KDM4B: variants seen among roughly 807,000 people sequenced by gnomAD.
KDM4B encodes the protein lysine demethylase 4B, also known as lysine-specific demethylase 4B.
In KDM4B, 32 loss-of-function variants were observed where a neutral mutation model predicts 125.2. The ratio of observed to expected loss-of-function variants is 0.26; its 90% CI spans 0.19 to 0.34. The LOEUF (loss-of-function observed/expected upper bound fraction) is 0.34, where lower values mean the gene tolerates loss of function less well. Among genes scored for constraint, KDM4B ranks in the 10% least tolerant of loss-of-function variants. The pLI is 1.00. For synonymous variants in KDM4B, 721 were observed against 677.9 expected (o/e 1.06, Z -0.99); for missense variants, 1,190 against 1,577.7 (o/e 0.75, Z 4.16).
At position 5,082,455 on chromosome 19, in the gene KDM4B, C is replaced by T. The variant is rs1568283916; in HGVS notation, c.869C>T (p.Thr290Ile). ...FNHGFNCAES[T>I]NFATLRWIDY... ...CACGGGTTCAACTGCGCAGAATCTA[C>T]CAACTTCGCCACCCTGCGGTGGATT... The change falls in exon 9 of 23, where the codon ACC becomes ATC. Residue 290 changes from threonine to isoleucine, a missense_variant. By Grantham distance (89) the Thr-to-Ile change is moderately conservative. This residue lies in a region of KDM4B where 75 missense variants were observed against 218.2 expected (regional missense o/e 0.34). Transcript: ENST00000159111. This position sits in a 1 kb window ranked among gnomAD's most constrained non-coding sequence, Gnocchi z 5.4. The T allele has an allele frequency of 6.2e-7, 1 of 1,612,970 alleles. No homozygotes were observed. Among genetic ancestry groups the T allele is most frequent in the Non-Finnish European group, 8.5e-7 (1 of 1,179,556 alleles).
At position 4,971,511 on chromosome 19, in the gene KDM4B, C is replaced by T. The variant is rs548560273; in HGVS notation, c.-109+2281C>T. Among the ~76,000 whole-genome samples the T allele has an allele frequency of 2.6e-5, 4 of 152,316 alleles. 1 individual carries two copies. The South Asian group carries it at 8.3e-4, about 32-fold the overall frequency. On this transcript the variant is annotated intron_variant, in intron 1 of 22. Coordinates refer to ENST00000159111, the MANE Select transcript of KDM4B (RefSeq NM_015015.3). This position sits in a 1 kb window ranked among gnomAD's most constrained non-coding sequence, Gnocchi z 4.1. ...CCTCAGCTCTGGGGAAGCCATCTGT[C>T]CTCGGTTCCATCTGACACCTGTGGG...
chr19:4,988,515 T>C (rs1030853331), intron 1 of KDM4B, among the ~76,000 whole-genome samples: 17 of 152,156 alleles, frequency 1.1e-4, no homozygotes, highest in African/African-American at 3.6e-4. Context: ...GACCTCGTGA[T>C]CCACCCGCCT....
intron 11 of KDM4B, among the ~76,000 whole-genome samples, chr19:5,129,331 G>C (rs1474172616): frequency 6.6e-6 from 1 of 152,042 alleles, no homozygotes; most frequent in African/African-American, 2.4e-5. Flanking sequence ...ACTGGGGTCA[G>C]TGTGGGTCAA....
intron 11 of KDM4B, among the ~76,000 whole-genome samples, chr19:5,128,269 T>A (rs1246181275): frequency 1.3e-5 from 2 of 152,192 alleles, no homozygotes; most frequent in Non-Finnish European, 2.9e-5. Context: ...ATTCCTCATG[T>A]GTGCACTGAG....
chr19:5,098,775 C>T (rs1358105026), intron 9 of KDM4B, among the ~76,000 whole-genome samples: 1 of 152,122 alleles, frequency 6.6e-6, no homozygotes, highest in Non-Finnish European at 1.5e-5. Flanking sequence ...CATGGGAGGA[C>T]TCAGTGAGAA....
intron 6 of KDM4B, among the ~76,000 whole-genome samples, chr19:5,048,168 G>A (rs923435877): frequency 6.6e-6 from 1 of 152,234 alleles, no homozygotes; most frequent in African/African-American, 2.4e-5. Flanking sequence ...CCTGTGTGCA[G>A]TGTGGTGGAC....
In KDM4B at chr19:5,081,442, G is replaced by GC. The variant is rs554527749; in HGVS notation, c.781-919dup. ...AGGGTTCCTAGGGCACAAGGCTGTA[G>GC]CCCCCCAGCCCTGGTAGGCAGCCCT... is the stretch of plus-strand genomic sequence containing the variant. On this transcript the variant is annotated intron_variant, in intron 8 of 22. Coordinates refer to ENST00000159111, the MANE Select transcript of KDM4B (RefSeq NM_015015.3). The surrounding 1 kb of genome is among the most constrained non-coding windows in gnomAD (Gnocchi z 4.2). Among the ~76,000 whole-genome samples the GC allele has an allele frequency of 9.6e-4, 146 of 152,280 alleles. 1 individual carries two copies. Among genetic ancestry groups the GC allele is most frequent in the African/African-American group, 3.0e-3 (126 of 41,564 alleles).
chr19:5,089,190 C>T (rs1599595295), intron 9 of KDM4B, among the ~76,000 whole-genome samples: 1 of 152,214 alleles, frequency 6.6e-6, no homozygotes, highest in Non-Finnish European at 1.5e-5. Flanking sequence ...ACGAATCTCA[C>T]TGAAACTGTC....
Position 5,035,895 on chromosome 19 carries a change from G to GCGCA in KDM4B, c.141+2865_141+2866insGCAC, listed in dbSNP as rs1308153451. On this transcript the variant is annotated intron_variant, in intron 3 of 22. Transcript: ENST00000159111. This position sits in a 1 kb window ranked among gnomAD's most constrained non-coding sequence, Gnocchi z 5.3. ...TGTGTGTGTGTGCGCGCGCGCGCGC[G>GCGCA]CCTGCGCGCACAGGAGACTGAGGTG... is the stretch of plus-strand genomic sequence containing the variant. 3.1e-4 allele frequency among the ~76,000 whole-genome samples: 39 copies of GCGCA among 125,054 alleles called. No homozygotes were observed. Among genetic ancestry groups the GCGCA allele is most frequent in the Non-Finnish European group, 6.0e-4 (33 of 54,876 alleles). 82.0% of individuals were successfully genotyped at this position (125,054 alleles called of 152,430 possible).
Position 5,038,533 on chromosome 19 carries a change from G to A in KDM4B, c.142-1303G>A, listed in dbSNP as rs866776800. 2.0e-5 allele frequency among the ~76,000 whole-genome samples: 3 copies of A among 152,348 alleles called. No homozygotes were observed. The Middle Eastern group carries it at 0.01, about 518-fold the overall frequency. ...GGCACCGGGTTCCGGCTGCAGTGCC[G>A]CCTCTGACAGGTGCTGGTCCTTGTC... On this transcript the variant is annotated intron_variant, in intron 3 of 22. Transcript: ENST00000159111.
intron 1 of KDM4B, among the ~76,000 whole-genome samples, chr19:4,980,000 G>A (rs2034580030): frequency 6.6e-6 from 1 of 152,114 alleles, no homozygotes; most frequent in African/African-American, 2.4e-5. Context: ...AGCTACTTGG[G>A]AGGCTGGGGC....
intron 1 of KDM4B, among the ~76,000 whole-genome samples, chr19:4,986,410 C>T (rs1260478434): frequency 6.6e-6 from 1 of 152,196 alleles, no homozygotes; most frequent in Non-Finnish European, 1.5e-5. Flanking sequence ...ACTCTTGGTC[C>T]TGGCTGCCAA....
chr19:5,085,779 G>T (rs1046812535), intron 9 of KDM4B, among the ~76,000 whole-genome samples: 10 of 152,220 alleles, frequency 6.6e-5, no homozygotes, highest in Non-Finnish European at 1.5e-4. Context: ...GGCCTCTGTG[G>T]CCGTCGGGGG....
intron 9 of KDM4B, among the ~76,000 whole-genome samples, chr19:5,102,136 C>G (rs536886258): frequency 6.6e-6 from 1 of 152,198 alleles, no homozygotes; most frequent in South Asian, 2.1e-4. Context: ...CCATCCGTGT[C>G]TCTGCTGGGA....
chr19:5,037,315 A>G (rs1486043789), intron 3 of KDM4B, among the ~76,000 whole-genome samples: 1 of 152,302 alleles, frequency 6.6e-6, no homozygotes, highest in East Asian at 1.9e-4. Context: ...GTCTCTGACC[A>G]TACCACTCAG....
intron 9 of KDM4B, among the ~76,000 whole-genome samples, chr19:5,092,518 G>A (rs1260969388): frequency 6.6e-6 from 1 of 152,228 alleles, no homozygotes; most frequent in African/African-American, 2.4e-5. Context: ...CCCAGAGGAG[G>A]GTCGGGGGCT....
chr19:4,985,562 C>G (rs992620013), intron 1 of KDM4B, among the ~76,000 whole-genome samples: 58 of 152,222 alleles, frequency 3.8e-4, no homozygotes, highest in African/African-American at 1.4e-3. Context: ...GCTGTGCAGG[C>G]TGGGGCTGCC....
chr19:5,134,199 G>A, intron 14 of KDM4B, 138 bp downstream of exon 14: 5 of 782,382 alleles, frequency 6.4e-6, no homozygotes, highest in Non-Finnish European at 1.0e-5. Flanking sequence ...GTGAGGGCTT[G>A]TTCCTGACAG....
intron 6 of KDM4B, among the ~76,000 whole-genome samples, chr19:5,068,020 T>C (rs976944306): frequency 2.0e-5 from 3 of 151,870 alleles, no homozygotes; most frequent in Admixed American, 2.0e-4. Flanking sequence ...TGCTCACTAA[T>C]AGCCAGACAG....
Sources: gnomAD v4.1 joint callset for allele counts (sites outside exome capture counted in the v4.1 genomes callset) on GRCh38, gnomAD v4.1.1 for gene constraint, gnomAD v4.1.1 regional missense constraint, Gnocchi (gnomAD v3.1) non-coding constraint, MANE v1.5 for transcripts, NCBI Gene and HGNC (gene_info 2026-07-23, HGNC 2026-07-21) for gene names.